ZNF385D: variants seen among roughly 807,000 people sequenced by gnomAD.
ZNF385D encodes zinc finger protein 659.
In ZNF385D, 15 loss-of-function variants were observed where a neutral mutation model predicts 35.8. That is an observed-to-expected ratio of 0.42 (90% confidence interval 0.28 to 0.64). The LOEUF (loss-of-function observed/expected upper bound fraction) is 0.64, where lower values mean the gene tolerates loss of function less well. ZNF385D is among the 30% of genes least tolerant of loss of function. The pLI is 0.23. For synonymous variants in ZNF385D, 212 were observed against 186.8 expected (o/e 1.13, Z -1.10); for missense variants, 474 against 494.6 (o/e 0.96, Z 0.39).
chr3:21,663,915 A>ATATATATTTATTTATT (rs1159950305), intron 2 of ZNF385D, among the ~76,000 whole-genome samples: 3 of 105,892 alleles, frequency 2.8e-5, no homozygotes, highest in African/African-American at 7.5e-5. Context: ...ATATATATAT[A>ATATATATTTATTTATT]TATTTATTTA....
chr3:21,780,461 T>C (rs776852099), intron 3 of ZNF385D, among the ~76,000 whole-genome samples: 6 of 152,032 alleles, frequency 3.9e-5, no homozygotes, highest in Non-Finnish European at 7.4e-5. Context: ...ATCTTCCTTA[T>C]GTGGATACGA....
At chr3:22,218,710 G>T (rs1698052662) in intron 2 of ZNF385D, among the ~76,000 whole-genome samples, 2 of 152,036 alleles carry the variant, frequency 1.3e-5, no homozygotes, top group Non-Finnish European at 2.9e-5. Context: ...TTCAGTAACT[G>T]GGTGAATATT....
chr3:22,240,565 C>T (rs1699438488), intron 2 of ZNF385D, among the ~76,000 whole-genome samples: 1 of 150,960 alleles, frequency 6.6e-6, no homozygotes, highest in African/African-American at 2.5e-5. Flanking sequence ...TACCTTGAGC[C>T]CTGCTTCATG....
intron 2 of ZNF385D, among the ~76,000 whole-genome samples, chr3:21,581,756 AATCTAGCTTTTAAAATGCTTACC>A (rs1169232888): frequency 6.6e-6 from 1 of 152,196 alleles, no homozygotes; most frequent in Admixed American, 6.5e-5. Context: ...TAAAATTAAT[AATCTAGCTTTTAAAATGCTTACC>A]AAGTATTTTA....
intron 3 of ZNF385D, among the ~76,000 whole-genome samples, chr3:21,894,775 C>T (rs1258702605): frequency 6.6e-6 from 1 of 152,068 alleles, no homozygotes; most frequent in African/African-American, 2.4e-5. Context: ...ATCTTACAAG[C>T]AGCAATAAGT....
intron 3 of ZNF385D, among the ~76,000 whole-genome samples, chr3:21,518,292 G>T (rs1707702038): frequency 6.6e-6 from 1 of 151,988 alleles, no homozygotes; most frequent in Non-Finnish European, 1.5e-5. Flanking sequence ...TATCCAAGAA[G>T]GATGAACTCA....
At chr3:22,328,494 G>GC (rs1489648643) in intron 2 of ZNF385D, among the ~76,000 whole-genome samples, 3 of 152,148 alleles carry the variant, frequency 2.0e-5, no homozygotes, top group Admixed American at 1.3e-4. Flanking sequence ...GCTGGGTGTG[G>GC]TGGCTCATGC....
intron 4 of ZNF385D, among the ~76,000 whole-genome samples, chr3:21,489,979 C>A (rs962143817): frequency 1.3e-5 from 2 of 152,100 alleles, no homozygotes; most frequent in Non-Finnish European, 1.5e-5. Flanking sequence ...TCCTAAAATT[C>A]TTTTGCTTCA....
chr3:21,817,730 C>A (rs191310857), intron 3 of ZNF385D, among the ~76,000 whole-genome samples: 1 of 152,284 alleles, frequency 6.6e-6, no homozygotes, highest in East Asian at 1.9e-4. Context: ...GTTGGTGGGA[C>A]TGTAAACTAG....
chr3:22,317,024 T>A (rs1424753825), intron 2 of ZNF385D, among the ~76,000 whole-genome samples: 3 of 151,684 alleles, frequency 2.0e-5, no homozygotes, highest in African/African-American at 7.3e-5. Context: ...ACCCCTGAAA[T>A]CCGAACACTT....
chr3:22,184,634 T>C (rs1434167630), intron 2 of ZNF385D, among the ~76,000 whole-genome samples: 1 of 152,120 alleles, frequency 6.6e-6, no homozygotes, highest in Non-Finnish European at 1.5e-5. Context: ...GAGACCAGAC[T>C]GTCCAACATG....
At chr3:21,624,767 TGGA>T (rs946187902) in intron 2 of ZNF385D, among the ~76,000 whole-genome samples, 4 of 152,060 alleles carry the variant, frequency 2.6e-5, no homozygotes, top group African/African-American at 7.2e-5. Flanking sequence ...ATCTGAATCC[TGGA>T]AGGTGAGGAA....
chr3:21,663,919 T>TATATATATATATATATATATATATATA (rs1201308131), intron 2 of ZNF385D, among the ~76,000 whole-genome samples: 17 of 39,278 alleles, frequency 4.3e-4, no homozygotes, highest in South Asian at 7.6e-4. Context: ...ATATATATAT[T>TATATATATATATATATATATATATATA]TATTTATTTA....
At chr3:21,583,669 C>T (rs1382365898) in intron 2 of ZNF385D, among the ~76,000 whole-genome samples, 1 of 151,632 alleles carries the variant, frequency 6.6e-6, no homozygotes, top group Non-Finnish European at 1.5e-5. Flanking sequence ...TTTTTCCATA[C>T]TTTTCTACAT....
At chr3:21,661,322 A>T (rs747624081) in intron 2 of ZNF385D, among the ~76,000 whole-genome samples, 1 of 152,074 alleles carries the variant, frequency 6.6e-6, no homozygotes, top group Admixed American at 6.6e-5. Flanking sequence ...GTATAAACAC[A>T]CTTTATTAAC....
chr3:21,636,409 TATATAG>T (rs1460145598), intron 2 of ZNF385D, among the ~76,000 whole-genome samples: 72 of 44,114 alleles, frequency 1.6e-3, no homozygotes, highest in Non-Finnish European at 2.7e-3. Context: ...TATATATATA[TATATAG>T]AGTTTCTTAA....
chr3:21,873,817 T>A (rs1005408323), intron 3 of ZNF385D, among the ~76,000 whole-genome samples: 12 of 152,250 alleles, frequency 7.9e-5, no homozygotes, highest in African/African-American at 2.6e-4. Context: ...AATATTTCCT[T>A]CTTTTGAATG....
chr3:21,691,718 C>T (rs994635767), intron 1 of ZNF385D, among the ~76,000 whole-genome samples: 10 of 152,126 alleles, frequency 6.6e-5, no homozygotes, highest in African/African-American at 9.7e-5. Context: ...TAAGTGATAA[C>T]ATGTTTACAT....
intron 1 of ZNF385D, among the ~76,000 whole-genome samples, chr3:21,742,011 C>A (rs1370758669): frequency 6.6e-6 from 1 of 152,182 alleles, no homozygotes; most frequent in Non-Finnish European, 1.5e-5. Context: ...GAAATCTCTG[C>A]TGGAATGTTA....
Sources: gnomAD v4.1 joint callset for allele counts (sites outside exome capture counted in the v4.1 genomes callset) on GRCh38, gnomAD v4.1.1 for gene constraint, MANE v1.5 for transcripts, NCBI Gene and HGNC (gene_info 2026-07-23, HGNC 2026-07-21) for gene names.